FMN1: variants seen among roughly 807,000 people sequenced by gnomAD.
The protein encoded by FMN1 is formin-1.
In FMN1, 110 loss-of-function variants were observed where a neutral mutation model predicts 132.4. The ratio of observed to expected loss-of-function variants is 0.83; its 90% confidence interval spans 0.71 to 0.97. The LOEUF is 0.97. Ranked by LOEUF, FMN1 falls within the 50% of genes least tolerant of loss-of-function variation. FMN1 has a pLI of 0.00. For missense variants in FMN1, 1,792 were observed against 1,705.3 expected, an observed-to-expected ratio of 1.05 and a Z score of -0.90; for synonymous variants, 722 against 651.7, an observed-to-expected ratio of 1.11 and a Z score of -1.64.
chr15:33,003,097 C>T (rs950691055), intron 7 of FMN1, among the ~76,000 whole-genome samples: 1 of 152,164 alleles, frequency 6.6e-6, no homozygotes, highest in Non-Finnish European at 1.5e-5. Context: ...CAATATCATA[C>T]TGAGTGGACA....
At chr15:33,191,856 T>C (rs1421467081) in intron 2 of FMN1, among the ~76,000 whole-genome samples, 1 of 152,244 alleles carries the variant, frequency 6.6e-6, no homozygotes, top group Non-Finnish European at 1.5e-5. Flanking sequence ...TCCCATGGTT[T>C]AGCGTCTCTG....
chr15:32,969,123 T>G lies in FMN1; in HGVS notation c.2578A>C (p.Met860Leu). 6.2e-7 allele frequency: 1 copy of G among 1,613,432 alleles called. No individual in the cohort carries two copies. The highest frequency in any genetic ancestry group is 8.5e-7 in the Non-Finnish European group (1 of 1,179,530). ...IHAALQPMEG[M>L]ASNQQKALPP... ...AATGCCTTCTGCTGATTTGATGCCA[T>G]GCCCTCCATTGGCTGGAGTGCTGCA... The change falls in exon 8 of 21, where the codon ATG becomes CTG. Residue 860 changes from methionine to leucine, a missense_variant. Met to Leu is a conservative substitution (Grantham distance 15, BLOSUM62 2). Transcript: ENST00000616417.
chr15:33,148,141 TACC>T (rs1242919360), intron 4 of FMN1, among the ~76,000 whole-genome samples: 4 of 152,172 alleles, frequency 2.6e-5, no homozygotes, highest in African/African-American at 9.7e-5. Context: ...ACAAAACATA[TACC>T]CATATACCAC....
At chr15:33,047,313 G>C (rs982336932) in intron 6 of FMN1, among the ~76,000 whole-genome samples, 3 of 152,146 alleles carry the variant, frequency 2.0e-5, no homozygotes, top group African/African-American at 7.2e-5. Flanking sequence ...TTGTGGTTAA[G>C]TCATAACCTT....
At chr15:33,193,770 A>G (rs142936141) in intron 2 of FMN1, 139 bp downstream of exon 2, 2 of 152,328 alleles carry the variant, frequency 1.3e-5, no homozygotes, top group African/African-American at 4.8e-5. Context: ...GAGGATAAGG[A>G]AAATCCTCCC....
chr15:32,973,997 A>T (rs1426153057), intron 7 of FMN1, among the ~76,000 whole-genome samples: 1 of 152,126 alleles, frequency 6.6e-6, no homozygotes, highest in African/African-American at 2.4e-5. Context: ...ATGTACTCCC[A>T]ATCTTTGCCC....
chr15:32,900,161 C>T lies in FMN1; in HGVS notation c.3508-36G>A, dbSNP rs777777958. 1.9e-6 allele frequency: 3 copies of T among 1,610,770 alleles called. No individual in the cohort carries two copies. In the South Asian group the frequency reaches 3.3e-5, roughly 18 times the overall value. On this transcript the variant is annotated intron_variant, in intron 13 of 20. Coordinates refer to ENST00000616417, the MANE Select transcript of FMN1 (RefSeq NM_001277313.2). ...AAACACCAGTTATTACGGAGCTGAA[C>T]TCCAAATGCACCCATGTTCATTCAG...
intron 9 of FMN1, among the ~76,000 whole-genome samples, chr15:32,931,768 G>C (rs1388933931): frequency 2.0e-5 from 3 of 152,080 alleles, no homozygotes; most frequent in African/African-American, 7.2e-5. Flanking sequence ...TCCTTGTCTT[G>C]TTGCTGATCT....
intron 6 of FMN1, among the ~76,000 whole-genome samples, chr15:33,047,754 T>A (rs947690894): frequency 6.6e-6 from 1 of 152,210 alleles, no homozygotes; most frequent in Non-Finnish European, 1.5e-5. Flanking sequence ...GATGGGACCC[T>A]TAATTTCTGA....
intron 6 of FMN1, among the ~76,000 whole-genome samples, chr15:33,009,432 C>T (rs2034588777): frequency 6.6e-6 from 1 of 152,176 alleles, no homozygotes; most frequent in African/African-American, 2.4e-5. Flanking sequence ...TAAAGACCTC[C>T]ATGTCCTGGT....
Position 33,040,318 on chromosome 15 carries a change from G to A in FMN1, c.2161+24639C>T, listed in dbSNP as rs879721981. On this transcript the variant is annotated intron_variant, in intron 6 of 20. Coordinates refer to ENST00000616417, the MANE Select transcript of FMN1 (RefSeq NM_001277313.2). ...TATGCTAATCACTCTTTCTATAACC[G>A]CACCTAGAATGTTTGATTGAACTTA... 5.3e-5 allele frequency among the ~76,000 whole-genome samples: 8 copies of A among 151,902 alleles called. No homozygotes were observed. The South Asian group carries it at 6.2e-4, about 12-fold the overall frequency.
intron 9 of FMN1, among the ~76,000 whole-genome samples, chr15:32,938,904 C>T (rs1482637692): frequency 2.0e-5 from 3 of 152,004 alleles, no homozygotes; most frequent in Admixed American, 6.6e-5. Flanking sequence ...ATCTACTAGG[C>T]TGGTACAATA....
At chr15:32,954,632 A>C (rs532107340) in intron 9 of FMN1, among the ~76,000 whole-genome samples, 3 of 152,372 alleles carry the variant, frequency 2.0e-5, no homozygotes, top group Admixed American at 2.0e-4. Flanking sequence ...ATGACCAAAA[A>C]ATAAAATTCA....
chr15:32,783,124 C>A (rs2056723121), intron 19 of FMN1, among the ~76,000 whole-genome samples: 1 of 151,692 alleles, frequency 6.6e-6, no homozygotes, highest in East Asian at 1.9e-4. Context: ...CAAACCTGCA[C>A]AAATCCATGT....
intron 14 of FMN1, 98 bp downstream of exon 14, chr15:32,899,881 A>G: frequency 8.4e-7 from 1 of 1,183,590 alleles, no homozygotes; most frequent in South Asian, 1.4e-5. Flanking sequence ...AGGGGAGGAT[A>G]GAGATAAATG....
intron 6 of FMN1, among the ~76,000 whole-genome samples, chr15:33,062,075 G>A (rs982911269): frequency 1.3e-5 from 2 of 152,020 alleles, no homozygotes; most frequent in Non-Finnish European, 1.5e-5. Context: ...AAAAACAAAT[G>A]ATAAAAAGTA....
chr15:33,067,870 A>G (rs376208074), intron 5 of FMN1: 15 of 1,610,536 alleles, frequency 9.3e-6, no homozygotes, highest in Non-Finnish European at 1.2e-5. Flanking sequence ...CCAGAGAATT[A>G]TCAACGTTCT....
chr15:32,918,603 A>G (rs1224102598), intron 10 of FMN1, among the ~76,000 whole-genome samples: 2 of 152,192 alleles, frequency 1.3e-5, no homozygotes, highest in Non-Finnish European at 2.9e-5. Context: ...TACAGGCGCA[A>G]TTAAGATTGT....
chr15:33,057,194 C>G (rs530406383), intron 6 of FMN1, among the ~76,000 whole-genome samples: 2 of 152,196 alleles, frequency 1.3e-5, no homozygotes, highest in East Asian at 3.9e-4. Flanking sequence ...GCAGATAAAA[C>G]TAACCTATAG....
Sources: allele counts gnomAD v4.1 joint callset (sites outside exome capture counted in the v4.1 genomes callset), GRCh38; gene constraint gnomAD v4.1.1; transcripts MANE v1.5; gene names NCBI Gene and HGNC (gene_info 2026-07-23, HGNC 2026-07-21).